ABCC4: variants seen among roughly 807,000 people sequenced by gnomAD.
ABCC4 encodes the protein ATP-binding cassette sub-family C member 4.
ABCC4 carries 102 observed loss-of-function variants against 168.5 expected under a neutral mutation model. The ratio of observed to expected loss-of-function variants is 0.61; its 90% CI spans 0.52 to 0.71. The LOEUF is 0.71. ABCC4 is among the 30% of genes least tolerant of loss of function. The probability of loss-of-function intolerance (pLI) is 0.00; values close to 1 mark genes in which losing one functional copy is unlikely to be tolerated. For synonymous variants in ABCC4, 617 were observed against 590.7 expected, an observed-to-expected ratio of 1.04 and a Z score of -0.65; for missense variants, 1,402 against 1,605.8, an observed-to-expected ratio of 0.87 and a Z score of 2.17.
chr13:95,159,583 GATA>G (rs990132671), intron 19 of ABCC4, among the ~76,000 whole-genome samples: 4 of 152,144 alleles, frequency 2.6e-5, no homozygotes, highest in African/African-American at 9.7e-5. Context: ...CGAGGCCTGT[GATA>G]ACAGAAAGGC....
chr13:95,217,417 C>A (rs1009488808), intron 4 of ABCC4, among the ~76,000 whole-genome samples: 1 of 152,064 alleles, frequency 6.6e-6, no homozygotes, highest in African/African-American at 2.4e-5. Flanking sequence ...GTCTTTCCCC[C>A]CTCTCTAATA....
Position 95,164,483 on chromosome 13 carries a change from G to C in ABCC4, c.2070C>G (p.Asn690Lys), listed in dbSNP as rs2037207972. Residue 690 changes from asparagine to lysine, a missense_variant, in exon 16 of 31, where the codon AAC becomes AAG. Transcript: ENST00000645237. ...ENVPVTLSEE[N>K]RSEGKVGFQA... ...GAAAACCAACTTTTCCTTCAGAACG[G>C]TTCTCCTCTGATAGTGTAACTGGGA... The C allele has an allele frequency of 6.2e-7, 1 of 1,613,990 alleles. No individual in the cohort carries two copies. Among genetic ancestry groups the C allele is most frequent in the Non-Finnish European group, 8.5e-7 (1 of 1,180,024 alleles).
chr13:95,191,097 C>G (rs952049855), intron 9 of ABCC4, among the ~76,000 whole-genome samples: 3 of 152,172 alleles, frequency 2.0e-5, no homozygotes, highest in Non-Finnish European at 4.4e-5. Flanking sequence ...TGAGCTGGCG[C>G]AGCCCACAGT....
intron 1 of ABCC4, among the ~76,000 whole-genome samples, chr13:95,299,398 G>A (rs1038631628): frequency 1.3e-5 from 2 of 151,952 alleles, no homozygotes; most frequent in African/African-American, 4.8e-5. Flanking sequence ...TAAGAGAAAG[G>A]CCGCCAAACA....
At chr13:95,172,075 A>G (rs1016566163) in intron 13 of ABCC4, among the ~76,000 whole-genome samples, 26 of 152,204 alleles carry the variant, frequency 1.7e-4, no homozygotes, top group African/African-American at 6.0e-4. Flanking sequence ...TTTTCTTCCT[A>G]ACATCTTCCA....
chr13:95,096,210 G>A, intron 20 of ABCC4: 1 of 631,032 alleles, frequency 1.6e-6, no homozygotes, highest in Non-Finnish European at 2.8e-6. Flanking sequence ...CATATTCAAT[G>A]GGCTGGCAGC....
intron 1 of ABCC4, among the ~76,000 whole-genome samples, chr13:95,285,114 G>A (rs756394772): frequency 3.3e-5 from 5 of 152,134 alleles, no homozygotes; most frequent in Non-Finnish European, 5.9e-5. Context: ...CAGACATGGT[G>A]GCACATGCCT....
chr13:95,259,104 C>T (rs749794572), intron 1 of ABCC4, among the ~76,000 whole-genome samples: 68 of 152,028 alleles, frequency 4.5e-4, no homozygotes, highest in Admixed American at 1.1e-3. Flanking sequence ...TGCCTTCCCC[C>T]GGCTGGGCAT....
At chr13:95,145,671 C>T (rs879640169) in intron 19 of ABCC4, among the ~76,000 whole-genome samples, 2 of 150,740 alleles carry the variant, frequency 1.3e-5, no homozygotes, top group Middle Eastern at 3.5e-3. Context: ...TAGCACTATT[C>T]ACAATAGCAA....
intron 19 of ABCC4, among the ~76,000 whole-genome samples, chr13:95,149,485 A>T (rs192023235): frequency 6.6e-6 from 1 of 152,208 alleles, no homozygotes; most frequent in Non-Finnish European, 1.5e-5. Context: ...ATACATTTAT[A>T]GTTCCCCCAA....
At chr13:95,145,073 G>A (rs2036447268) in intron 19 of ABCC4, among the ~76,000 whole-genome samples, 1 of 152,058 alleles carries the variant, frequency 6.6e-6, no homozygotes, top group South Asian at 2.1e-4. Flanking sequence ...TCAGAGAAAT[G>A]CAAATCAAAA....
chr13:95,096,251 C>T, intron 20 of ABCC4: 1 of 547,684 alleles, frequency 1.8e-6, no homozygotes, highest in South Asian at 2.5e-5. Context: ...ATCAATGACC[C>T]TAAAGACAGA....
chr13:95,206,386 G>T, intron 8 of ABCC4, 146 bp downstream of exon 8: 1 of 1,060,080 alleles, frequency 9.4e-7, no homozygotes, highest in Non-Finnish European at 1.4e-6. Flanking sequence ...AGATAGGGAA[G>T]TACACACAAC....
chr13:95,023,528 C>T (rs1218265348), intron 30 of ABCC4, among the ~76,000 whole-genome samples: 1 of 152,180 alleles, frequency 6.6e-6, no homozygotes, highest in African/African-American at 2.4e-5. Context: ...CCTGGATTCA[C>T]TGCTGATTCT....
At chr13:95,238,149 G>T (rs1245696891) in intron 3 of ABCC4, among the ~76,000 whole-genome samples, 2 of 144,044 alleles carry the variant, frequency 1.4e-5, no homozygotes, top group African/African-American at 5.3e-5. Context: ...AGCCAAGATC[G>T]CGCCACTGCA....
chr13:95,253,293 C>T (rs1203856160), intron 1 of ABCC4, among the ~76,000 whole-genome samples: 1 of 152,166 alleles, frequency 6.6e-6, no homozygotes, highest in African/African-American at 2.4e-5. Context: ...TAGCATCTGT[C>T]GCCATTTGAA....
chr13:95,046,765 T>C (rs1440696710), intron 27 of ABCC4, among the ~76,000 whole-genome samples: 3 of 150,866 alleles, frequency 2.0e-5, no homozygotes, highest in Admixed American at 2.0e-4. Flanking sequence ...TCTGTCTCAA[T>C]TAAAAAAAAA....
At chr13:95,213,806 T>C (rs9524832) in intron 4 of ABCC4, among the ~76,000 whole-genome samples, 27,174 of 152,044 alleles carry the variant, frequency 0.18, 3,301 homozygotes, top group Non-Finnish European at 0.27. Context: ...CTGCCAGGAA[T>C]TTAACTACCT....
At chr13:95,168,033 T>C (rs983711559) in intron 14 of ABCC4, among the ~76,000 whole-genome samples, 1 of 152,084 alleles carries the variant, frequency 6.6e-6, no homozygotes. Context: ...GCCCAGCCAA[T>C]TTTTTTGTAT....
Sources: allele counts gnomAD v4.1 joint callset (sites outside exome capture counted in the v4.1 genomes callset), GRCh38; gene constraint gnomAD v4.1.1; transcripts MANE v1.5; gene names NCBI Gene and HGNC (gene_info 2026-07-23, HGNC 2026-07-21).